Variants in N4BP2L2 observed in about 807,000 individuals in gnomAD.
The protein encoded by N4BP2L2 is NEDD4 binding protein 2 like 2, also known as NEDD4-binding protein 2-like 2.
Under a neutral mutation model 56.2 loss-of-function variants are expected in N4BP2L2, and 50 were observed. The observed-to-expected ratio is 0.89, with a 90% CI of 0.71 to 1.13. N4BP2L2 has a LOEUF of 1.13. Ranked by LOEUF, N4BP2L2 falls within the 50% of genes most tolerant of loss-of-function variation. The pLI, the probability that N4BP2L2 is intolerant of heterozygous loss-of-function variation, is 0.00. For missense variants in N4BP2L2, 689 were observed against 693.8 expected, an observed-to-expected ratio of 0.99 and a Z score of 0.08; for synonymous variants, 203 against 223.6, an observed-to-expected ratio of 0.91 and a Z score of 0.82.
intron 2 of N4BP2L2, among the ~76,000 whole-genome samples, chr13:32,528,056 C>T (rs1218109544): frequency 6.6e-6 from 1 of 152,214 alleles, no homozygotes; most frequent in East Asian, 1.9e-4. Flanking sequence ...AGGCATGAGC[C>T]ACCGTGCCTG....
exon 6 of N4BP2L2, chr13:32,517,404 T>C: frequency 5.0e-6 from 5 of 996,340 alleles, no homozygotes; most frequent in Non-Finnish European, 6.0e-6. Context: ...ATTTCTTGCA[T>C]ATTTAAGGTA....
exon 6 of N4BP2L2, chr13:32,515,633 C>G (rs1227395750): frequency 2.0e-5 from 3 of 151,734 alleles, no homozygotes; most frequent in Non-Finnish European, 4.4e-5. Flanking sequence ...ATAATAAAAT[C>G]TGGAAATTAA....
intron 2 of N4BP2L2, among the ~76,000 whole-genome samples, chr13:32,532,783 G>A (rs2055291287): frequency 6.6e-6 from 1 of 151,256 alleles, no homozygotes; most frequent in Non-Finnish European, 1.5e-5. Flanking sequence ...TAGAGATGGG[G>A]TTTCACAATG....
intron 6 of N4BP2L2, among the ~76,000 whole-genome samples, chr13:32,475,656 C>T (rs552171236): frequency 6.6e-6 from 1 of 152,258 alleles, no homozygotes; most frequent in African/African-American, 2.4e-5. Flanking sequence ...GATGGAGCCT[C>T]CATCTTGAAC....
rs145079948 is a variant in N4BP2L2, at chr13:32,438,597, C to A, written c.2190+55G>T. ...CTGGGCAACAAGAATGAAACTCCGT[C>A]TCAAACAACAACAACAACAAAAATA... is the stretch of plus-strand genomic sequence containing the variant. On this transcript the variant is annotated intron_variant, in intron 8 of 9. Transcript: ENST00000357505. 1.7e-4 allele frequency: 237 copies of A among 1,403,196 alleles called. 2 individuals are homozygous for A. In the East Asian group the frequency reaches 5.5e-3, roughly 33 times the overall value. The allele number at this position is 1,403,196 out of a possible 1,614,324, so 86.9% of individuals were successfully genotyped here.
chr13:32,436,951 G>A (rs1159238298), intron 8 of N4BP2L2, among the ~76,000 whole-genome samples: 1 of 151,506 alleles, frequency 6.6e-6, no homozygotes, highest in Non-Finnish European at 1.5e-5. Context: ...CACAATGTTG[G>A]CTCACTGCAA....
chr13:32,525,810 G>A (rs1046657703), intron 3 of N4BP2L2, among the ~76,000 whole-genome samples: 1 of 152,082 alleles, frequency 6.6e-6, no homozygotes, highest in Non-Finnish European at 1.5e-5. Context: ...CATTACAGAA[G>A]AATTCCATTA....
Position 32,517,535 on chromosome 13 carries a change from C to T in N4BP2L2, c.*267G>A, listed in dbSNP as rs140705961. The T allele has an allele frequency of 5.4e-3, 6,280 of 1,166,094 alleles. 33 individuals carry two copies. The highest frequency in any genetic ancestry group is 0.024 in the African/African-American group (1,517 of 63,482). The allele number at this position is 1,166,094 out of a possible 1,614,324, so 72.2% of individuals were successfully genotyped here. On this transcript the variant is annotated 3_prime_UTR_variant, in exon 6 of 6. Coordinates refer to ENST00000267068, the Ensembl canonical transcript of N4BP2L2. ...TTAAAATTCGATTGTAGAAAAACATCCTAGCTCCTACCCACCACTCTATTA... is the reference window on the plus strand; with the variant it reads ...TTAAAATTCGATTGTAGAAAAACATTCTAGCTCCTACCCACCACTCTATTA...
intron 9 of N4BP2L2, among the ~76,000 whole-genome samples, chr13:32,433,931 CA>C (rs60540916): frequency 0.034 from 2,912 of 85,978 alleles, 87 homozygotes; most frequent in African/African-American, 0.12. Context: ...GACCGTGTCT[CA>C]AAAAAAAAAA....
chr13:32,533,548 G>T (rs1339471163), intron 2 of N4BP2L2, among the ~76,000 whole-genome samples: 1 of 144,344 alleles, frequency 6.9e-6, no homozygotes, highest in Non-Finnish European at 1.5e-5. Context: ...TTGAGACAGG[G>T]TCTCAATCTG....
intron 6 of N4BP2L2, among the ~76,000 whole-genome samples, chr13:32,490,633 G>A (rs2086857848): frequency 6.6e-6 from 1 of 152,104 alleles, no homozygotes; most frequent in Admixed American, 6.6e-5. Flanking sequence ...TGAGTATTTG[G>A]TGACTTACAC....
intron 6 of N4BP2L2, among the ~76,000 whole-genome samples, chr13:32,492,856 T>A (rs1276401205): frequency 6.6e-6 from 1 of 151,110 alleles, no homozygotes; most frequent in Admixed American, 6.6e-5. Flanking sequence ...ACTTTAAAGC[T>A]CATCATTTAT....
intron 4 of N4BP2L2, 149 bp downstream of exon 4, chr13:32,522,033 A>G: frequency 3.3e-6 from 2 of 599,616 alleles, no homozygotes; most frequent in Non-Finnish European, 5.8e-6. Flanking sequence ...ATCATTCACA[A>G]TTTTTTTAAA....
intron 6 of N4BP2L2, among the ~76,000 whole-genome samples, chr13:32,465,387 C>T (rs929404679): frequency 6.6e-6 from 1 of 152,152 alleles, no homozygotes; most frequent in Non-Finnish European, 1.5e-5. Context: ...ACTCAGCAAT[C>T]CTACTCTTAG....
intron 6 of N4BP2L2, among the ~76,000 whole-genome samples, chr13:32,485,604 T>C (rs1409865441): frequency 6.6e-6 from 1 of 152,182 alleles, no homozygotes; most frequent in Non-Finnish European, 1.5e-5. Context: ...AAATGTGATG[T>C]TATCTCAGGA....
chr13:32,469,599 G>C (rs1437019086), intron 6 of N4BP2L2, among the ~76,000 whole-genome samples: 3 of 152,206 alleles, frequency 2.0e-5, no homozygotes, highest in African/African-American at 7.2e-5. Context: ...TGAGTTGTGG[G>C]AGTTAGGCAA....
rs547072623 is a variant in N4BP2L2 at position 32,495,253 on chromosome 13, T to C, written c.365+22604A>G. Among the ~76,000 whole-genome samples the C allele has an allele frequency of 4.6e-5, 7 of 152,304 alleles. No individual in the cohort carries two copies. The South Asian group carries it at 1.5e-3, about 32-fold the overall frequency. On this transcript the variant is annotated intron_variant, in intron 6 of 9. Coordinates refer to the N4BP2L2 transcript ENST00000357505. ...AAAATACTGAAATTCTTCTTACCAT[T>C]TGGCAAATAGTGTCCTGAGCCACTG...
intron 2 of N4BP2L2, among the ~76,000 whole-genome samples, chr13:32,532,078 T>A (rs1167928371): frequency 6.6e-6 from 1 of 152,200 alleles, no homozygotes; most frequent in Non-Finnish European, 1.5e-5. Flanking sequence ...CCAATCCAGT[T>A]ATCCAGGACA....
chr13:32,523,236 A>G (rs1347470765), intron 3 of N4BP2L2: 1 of 152,002 alleles, frequency 6.6e-6, no homozygotes, highest in African/African-American at 2.4e-5. Flanking sequence ...ATTAAAAATA[A>G]AAAAATTAGC....
Sources: allele counts gnomAD v4.1 joint callset (sites outside exome capture counted in the v4.1 genomes callset), GRCh38; gene constraint gnomAD v4.1.1; transcripts MANE v1.5; gene names NCBI Gene and HGNC (gene_info 2026-07-23, HGNC 2026-07-21).